The following MCC variants were observed in gnomAD, a reference collection of about 807,000 sequenced individuals.
The protein encoded by MCC is MCC regulator of Wnt signaling pathway.
In MCC, 90 loss-of-function variants were observed where a neutral mutation model predicts 116.2. The observed-to-expected ratio is 0.77, with a 90% CI of 0.65 to 0.92. The LOEUF (loss-of-function observed/expected upper bound fraction) is 0.92. Among genes scored for constraint, MCC ranks in the 40% least tolerant of loss-of-function variants. The pLI, the probability that MCC is intolerant of heterozygous loss-of-function variation, is 0.00. For synonymous variants in MCC, 578 were observed against 510.5 expected (o/e 1.13, Z -1.78); for missense variants, 1,516 against 1,312.2 (o/e 1.16, Z -2.40).
At chr5:113,203,761 G>A (rs1762792716) in intron 3 of MCC, among the ~76,000 whole-genome samples, 1 of 152,196 alleles carries the variant, frequency 6.6e-6, no homozygotes, top group African/African-American at 2.4e-5. Context: ...TGAAATGATA[G>A]GTTAAGATGC....
At chr5:113,032,402 CTG>C (rs1268276726) in intron 17 of MCC, among the ~76,000 whole-genome samples, 36 of 114,738 alleles carry the variant, frequency 3.1e-4, no homozygotes, top group African/African-American at 1.3e-3. Context: ...GAATGAAACT[CTG>C]TATCAAAAAA....
intron 2 of MCC, among the ~76,000 whole-genome samples, chr5:113,376,574 T>TACACAC (rs1554079796): frequency 0.015 from 2,228 of 145,842 alleles, 22 homozygotes; most frequent in Non-Finnish European, 0.022. Context: ...CCATATTTTA[T>TACACAC]ACACACACAC....
intron 5 of MCC, among the ~76,000 whole-genome samples, chr5:113,132,358 ATG>A (rs1187010570): frequency 0.011 from 1,552 of 135,708 alleles, 29 homozygotes; most frequent in East Asian, 0.058. Context: ...AAAAGTGCAT[ATG>A]TGTGTGTGTG....
At position 113,113,366 on chromosome 5, in the gene MCC, C is replaced by T. The variant is rs543811673; in HGVS notation, c.1028-9011G>A. Among the ~76,000 whole-genome samples the T allele has an allele frequency of 3.9e-5, 6 of 152,176 alleles. No individual in the cohort carries two copies. The South Asian group carries it at 8.3e-4, about 21-fold the overall frequency. On this transcript the variant is annotated intron_variant, in intron 6 of 18. Transcript: ENST00000408903. Reference sequence around the variant, plus strand: ...ATTCCATCGAGGAACAAACACAAACCGAACAAAGTAACATAGAAAATTAGA... The same window carrying T: ...ATTCCATCGAGGAACAAACACAAACTGAACAAAGTAACATAGAAAATTAGA...
intron 3 of MCC, among the ~76,000 whole-genome samples, chr5:113,335,665 T>G (rs1767852482): frequency 6.6e-6 from 1 of 151,694 alleles, no homozygotes; most frequent in Non-Finnish European, 1.5e-5. Flanking sequence ...ACCAGACTCT[T>G]AAAATATCTC....
chr5:113,137,313 T>C (rs574883770), intron 5 of MCC, among the ~76,000 whole-genome samples: 1 of 152,240 alleles, frequency 6.6e-6, no homozygotes, highest in South Asian at 2.1e-4. Flanking sequence ...TCCCTCAATA[T>C]GTGGGTATTA....
chr5:113,177,826 C>T (rs1335273761), intron 3 of MCC, among the ~76,000 whole-genome samples: 1 of 152,054 alleles, frequency 6.6e-6, no homozygotes, highest in East Asian at 1.9e-4. Flanking sequence ...GTTTTAATGC[C>T]TGAGTAAATG....
At chr5:113,215,766 T>C (rs1194344313) in intron 3 of MCC, among the ~76,000 whole-genome samples, 1 of 152,218 alleles carries the variant, frequency 6.6e-6, no homozygotes, top group Non-Finnish European at 1.5e-5. Flanking sequence ...CTGTTCTTTA[T>C]TAGTTGACTA....
chr5:113,049,749 T>C lies in MCC; in HGVS notation c.2449-450A>G, dbSNP rs552162717. On this transcript the variant is annotated intron_variant, in intron 15 of 18. Coordinates refer to ENST00000408903, the MANE Select transcript of MCC (RefSeq NM_001085377.2). Reference sequence around the variant, plus strand: ...CTTCCAATTCCCATTTTGGTTTCCATGGCACCAACCACATGTTTAATCACA... The same window carrying C: ...CTTCCAATTCCCATTTTGGTTTCCACGGCACCAACCACATGTTTAATCACA... Among the ~76,000 whole-genome samples the C allele has an allele frequency of 1.5e-4, 23 of 152,310 alleles. No individual in the cohort carries two copies. In the South Asian group the frequency reaches 3.9e-3, roughly 26 times the overall value.
At chr5:113,074,476 TCTC>T (rs1303566645) in intron 11 of MCC, among the ~76,000 whole-genome samples, 1 of 152,128 alleles carries the variant, frequency 6.6e-6, no homozygotes, top group Non-Finnish European at 1.5e-5. Flanking sequence ...GAGTGCCTCT[TCTC>T]CTCCAAAGGA....
chr5:113,048,823 T>C (rs1297155040), intron 16 of MCC: 9 of 546,776 alleles, frequency 1.6e-5, no homozygotes, highest in Non-Finnish European at 2.6e-5. Context: ...ACAGTATCAG[T>C]GGACAACTGC....
In MCC at chr5:113,126,403, C is replaced by G. The variant is rs368115698; in HGVS notation, c.885-3577G>C. Among the ~76,000 whole-genome samples the G allele has an allele frequency of 1.0e-3, 152 of 152,302 alleles. 1 individual carries two copies. The highest frequency in any genetic ancestry group is 3.5e-3 in the African/African-American group (145 of 41,554). ...ACCTAAGATTATGCAACCACTAGCA[C>G]AGCCTAATTCCTAAATTTCATACCA... On this transcript the variant is annotated intron_variant, in intron 5 of 18. Coordinates refer to ENST00000408903, the MANE Select transcript of MCC (RefSeq NM_001085377.2).
At chr5:113,378,748 A>G (rs1769042357) in intron 2 of MCC, among the ~76,000 whole-genome samples, 1 of 152,208 alleles carries the variant, frequency 6.6e-6, no homozygotes, top group Admixed American at 6.5e-5. Context: ...CATGTTTGAC[A>G]CAAGTACATG....
intron 3 of MCC, among the ~76,000 whole-genome samples, chr5:113,214,627 G>A (rs1763244983): frequency 6.6e-6 from 1 of 152,156 alleles, no homozygotes; most frequent in African/African-American, 2.4e-5. Context: ...GGCTTCTGCA[G>A]CTCTACACCA....
intron 3 of MCC, among the ~76,000 whole-genome samples, chr5:113,213,568 T>A (rs1763206510): frequency 6.6e-6 from 1 of 152,132 alleles, no homozygotes; most frequent in Non-Finnish European, 1.5e-5. Context: ...GGACCCTTAA[T>A]GATGAAAGGC....
intron 3 of MCC, among the ~76,000 whole-genome samples, chr5:113,213,843 C>T (rs1193633491): frequency 6.6e-6 from 1 of 152,230 alleles, no homozygotes; most frequent in Non-Finnish European, 1.5e-5. Context: ...TTACCCAAAG[C>T]TACTTTGTCC....
intron 2 of MCC, among the ~76,000 whole-genome samples, chr5:113,344,528 G>T (rs1768088331): frequency 6.6e-6 from 1 of 151,586 alleles, no homozygotes; most frequent in African/African-American, 2.4e-5. Flanking sequence ...AAAGTGACTT[G>T]TTCCTTCTGC....
In MCC at chr5:113,324,067, CA is replaced by C. The variant is rs201583290; in HGVS notation, c.627+16451del. The stretch of plus-strand genomic sequence containing the variant: ...ACTAGTATTACTCTTGCTATTATTC[CA>C]AACTCAGGCCTGGTATGGCCTCTGC... On this transcript the variant is annotated intron_variant, in intron 3 of 18. Transcript: ENST00000408903. Among the ~76,000 whole-genome samples, 8 of 152,232 alleles carry C rather than the reference CA, an allele frequency of 5.3e-5. No individual in the cohort carries two copies. In the East Asian group the frequency reaches 1.5e-3, roughly 29 times the overall value.
intron 8 of MCC, among the ~76,000 whole-genome samples, chr5:113,087,770 C>CTT (rs35866912): frequency 6.3e-5 from 9 of 143,256 alleles, no homozygotes; most frequent in African/African-American, 1.0e-4. Flanking sequence ...GCCTACTCAT[C>CTT]TTTTTTTTTT....
Sources: allele counts gnomAD v4.1 joint callset (sites outside exome capture counted in the v4.1 genomes callset), GRCh38; gene constraint gnomAD v4.1.1; transcripts MANE v1.5; gene names NCBI Gene and HGNC (gene_info 2026-07-23, HGNC 2026-07-21).